Variants in MGAT4C observed in about 807,000 individuals in gnomAD.
The protein encoded by MGAT4C is MGAT4 family member C, also known as alpha-1,3-mannosyl-glycoprotein 4-beta-N-acetylglucosaminyltransferase C.
Under a neutral mutation model 40.1 loss-of-function variants are expected in MGAT4C, and 19 were observed. The observed-to-expected ratio is 0.47, with a 90% CI of 0.33 to 0.70. MGAT4C has a LOEUF of 0.70. MGAT4C is among the 30% of genes least tolerant of loss of function. MGAT4C has a pLI of 0.02. For missense variants in MGAT4C, 491 were observed against 563.2 expected, an observed-to-expected ratio of 0.87 and a Z score of 1.30; for synonymous variants, 181 against 187.1, an observed-to-expected ratio of 0.97 and a Z score of 0.27.
chr12:86,338,983 CAGAGAGAA>C (rs377179772), intron 3 of MGAT4C, among the ~76,000 whole-genome samples: 120 of 84,094 alleles, frequency 1.4e-3, no homozygotes, highest in African/African-American at 4.7e-3. Flanking sequence ...AAAAAAAAAA[CAGAGAGAA>C]AGAGAGAAAG....
At chr12:86,668,810 CTTAGCG>C (rs1157042597) in intron 2 of MGAT4C, among the ~76,000 whole-genome samples, 1 of 152,176 alleles carries the variant, frequency 6.6e-6, no homozygotes, top group African/African-American at 2.4e-5. Flanking sequence ...CCAGATCCAG[CTTAGCG>C]AATTAGAGCT....
chr12:86,412,974 C>T (rs1447301693), intron 3 of MGAT4C, among the ~76,000 whole-genome samples: 1 of 152,074 alleles, frequency 6.6e-6, no homozygotes. Flanking sequence ...TGTAGTACCT[C>T]CCCCTTCACT....
chr12:86,632,155 A>G (rs1963067386), intron 2 of MGAT4C, among the ~76,000 whole-genome samples: 1 of 152,114 alleles, frequency 6.6e-6, no homozygotes, highest in African/African-American at 2.4e-5. Flanking sequence ...ACATGAAAAA[A>G]TGCTCATCAT....
At chr12:86,752,410 G>A (rs191079636) in intron 1 of MGAT4C, among the ~76,000 whole-genome samples, 254 of 152,004 alleles carry the variant, frequency 1.7e-3, no homozygotes, top group African/African-American at 5.9e-3. Context: ...AACACTAATC[G>A]TCTAGTGTTA....
At chr12:86,073,124 G>A (rs890131057) in intron 1 of MGAT4C, among the ~76,000 whole-genome samples, 1 of 152,110 alleles carries the variant, frequency 6.6e-6, no homozygotes. Context: ...TCCTCACACT[G>A]TTGTTGTGGT....
At chr12:86,263,118 G>A (rs1274790045) in intron 4 of MGAT4C, among the ~76,000 whole-genome samples, 2 of 151,978 alleles carry the variant, frequency 1.3e-5, no homozygotes, top group Non-Finnish European at 2.9e-5. Context: ...CCCATAAATT[G>A]GTAGATGAAA....
intron 1 of MGAT4C, among the ~76,000 whole-genome samples, chr12:86,245,709 A>G (rs570675592): frequency 2.6e-5 from 4 of 152,318 alleles, no homozygotes; most frequent in South Asian, 4.1e-4. Context: ...TCCTAGGGTT[A>G]GTACTCAAAT....
At chr12:86,165,711 G>T (rs1593121351) in intron 1 of MGAT4C, among the ~76,000 whole-genome samples, 1 of 152,208 alleles carries the variant, frequency 6.6e-6, no homozygotes, top group Middle Eastern at 3.4e-3. Context: ...TGATATAAAT[G>T]AGAGATATTT....
At chr12:86,406,461 T>A (rs1956476622) in intron 3 of MGAT4C, among the ~76,000 whole-genome samples, 1 of 152,048 alleles carries the variant, frequency 6.6e-6, no homozygotes, top group Non-Finnish European at 1.5e-5. Context: ...AAAGATTATA[T>A]GCAAATCGCA....
intron 4 of MGAT4C, 59 bp from the exon 5 acceptor site, chr12:85,980,489 A>G (rs1884465125): frequency 1.4e-6 from 2 of 1,434,274 alleles, no homozygotes; most frequent in Admixed American, 4.6e-5. Context: ...AAAAAGTAAA[A>G]GAGAGAAGAT....
At chr12:86,763,968 T>G (rs556370203) in intron 1 of MGAT4C, among the ~76,000 whole-genome samples, 1 of 152,244 alleles carries the variant, frequency 6.6e-6, no homozygotes, top group African/African-American at 2.4e-5. Context: ...CATTTCCATC[T>G]GAGGTACCGG....
chr12:86,159,895 A>G (rs1885406149), intron 1 of MGAT4C, among the ~76,000 whole-genome samples: 1 of 151,902 alleles, frequency 6.6e-6, no homozygotes, highest in Admixed American at 6.6e-5. Context: ...CACCTTTGTC[A>G]TTTCTGATCG....
At chr12:86,484,457 T>C (rs1479652611) in intron 2 of MGAT4C, among the ~76,000 whole-genome samples, 1 of 152,210 alleles carries the variant, frequency 6.6e-6, no homozygotes, top group Non-Finnish European at 1.5e-5. Context: ...CTGCCCAACC[T>C]GGTGCTTTGC....
At chr12:86,564,277 T>C (rs988614616) in intron 2 of MGAT4C, among the ~76,000 whole-genome samples, 4 of 152,176 alleles carry the variant, frequency 2.6e-5, no homozygotes, top group African/African-American at 7.2e-5. Context: ...TATGCAACCA[T>C]TGATTTGGCA....
At chr12:86,799,919 G>C (rs1269026418) in intron 1 of MGAT4C, among the ~76,000 whole-genome samples, 1 of 151,768 alleles carries the variant, frequency 6.6e-6, no homozygotes, top group Non-Finnish European at 1.5e-5. Context: ...CTTCCTTTGT[G>C]TTATATATAA....
intron 1 of MGAT4C, among the ~76,000 whole-genome samples, chr12:86,118,887 T>A (rs866128720): frequency 4.6e-5 from 7 of 152,272 alleles, no homozygotes; most frequent in Middle Eastern, 3.4e-3. Context: ...ATTTTCATGC[T>A]TTTCCTAATA....
rs562330047 is a variant in MGAT4C, at chr12:86,489,466, C to A, written c.-228-54201G>T. Among the ~76,000 whole-genome samples, 34 of 152,294 alleles carry A rather than the reference C, an allele frequency of 2.2e-4. No homozygotes were observed. The Middle Eastern group carries it at 0.01, about 46-fold the overall frequency. ...TCACACTAGCCCTTTCCTCTTGCTG[C>A]CAGAGGGCAGCTGCCCCAAACTACA... On this transcript the variant is annotated intron_variant, in intron 2 of 7. Coordinates refer to the MGAT4C transcript ENST00000548651.
chr12:86,643,612 T>C (rs1963453351), intron 2 of MGAT4C, among the ~76,000 whole-genome samples: 2 of 151,844 alleles, frequency 1.3e-5, no homozygotes, highest in Admixed American at 1.3e-4. Context: ...ATTTTATGAT[T>C]ATATTTTTAT....
intron 2 of MGAT4C, among the ~76,000 whole-genome samples, chr12:86,657,373 G>C (rs1432579204): frequency 6.6e-6 from 1 of 151,594 alleles, no homozygotes; most frequent in African/African-American, 2.4e-5. Context: ...TCTTCAGTAG[G>C]ATATATTTAA....
Sources: gnomAD v4.1 joint callset for allele counts (sites outside exome capture counted in the v4.1 genomes callset) on GRCh38, gnomAD v4.1.1 for gene constraint, MANE v1.5 for transcripts, NCBI Gene and HGNC (gene_info 2026-07-23, HGNC 2026-07-21) for gene names.